Variants in KCTD8 observed in about 807,000 individuals in gnomAD.
KCTD8 encodes potassium channel tetramerization domain containing 8.
KCTD8 carries 27 observed loss-of-function variants against 31.5 expected under a neutral mutation model. The ratio of observed to expected loss-of-function variants is 0.86; its 90% CI spans 0.63 to 1.18. The LOEUF is 1.18. KCTD8 is among the 50% of genes most tolerant of loss of function. KCTD8 has a pLI of 0.00. For synonymous variants in KCTD8, 290 were observed against 280.0 expected (o/e 1.04, Z -0.36); for missense variants, 658 against 647.7 (o/e 1.02, Z -0.17).
intron 1 of KCTD8, among the ~76,000 whole-genome samples, chr4:44,361,075 C>G (rs1577636169): frequency 6.6e-6 from 1 of 151,826 alleles, no homozygotes. Context: ...TTTTTTTTCT[C>G]CCTTGATCGT....
intron 1 of KCTD8, among the ~76,000 whole-genome samples, chr4:44,383,515 T>C (rs1577647313): frequency 6.6e-6 from 1 of 151,818 alleles, no homozygotes; most frequent in East Asian, 1.9e-4. Context: ...AAATCACATA[T>C]TTACAGCCAA....
chr4:44,383,209 G>T (rs1720120307), intron 1 of KCTD8, among the ~76,000 whole-genome samples: 1 of 151,944 alleles, frequency 6.6e-6, no homozygotes, highest in African/African-American at 2.4e-5. Context: ...ATCATAGATT[G>T]TAAGAATTAA....
chr4:44,241,223 C>A (rs777817529), intron 1 of KCTD8, among the ~76,000 whole-genome samples: 6 of 152,224 alleles, frequency 3.9e-5, no homozygotes, highest in African/African-American at 7.2e-5. Context: ...ATCACATTTA[C>A]AACTCTGGTA....
intron 1 of KCTD8, among the ~76,000 whole-genome samples, chr4:44,211,896 T>C (rs930826151): frequency 3.3e-5 from 5 of 152,110 alleles, no homozygotes; most frequent in African/African-American, 1.2e-4. Context: ...TTCATTATTT[T>C]ATAGTTTTAT....
Position 44,447,751 on chromosome 4 carries a change from G to T in KCTD8, c.773C>A (p.Pro258His). 6.2e-7 allele frequency: 1 copy of T among 1,612,118 alleles called. No individual in the cohort carries two copies. The highest frequency in any genetic ancestry group is 8.5e-7 in the Non-Finnish European group (1 of 1,179,172). ...CGTGTACTTCTCCGGCTGCCGGTCG[G>T]GGTCGCGGCTCTCGTTGAGCGTGTC... ...FGDTLNESRD[P>H]DRQPEKYTSR... is the part of the protein sequence containing the mutation. Residue 258 changes from proline to histidine, a missense_variant, in exon 1 of 2, where the codon CCC becomes CAC. Transcript: ENST00000360029.
chr4:44,379,105 T>A (rs1267147103), intron 1 of KCTD8, among the ~76,000 whole-genome samples: 1 of 152,078 alleles, frequency 6.6e-6, no homozygotes, highest in Non-Finnish European at 1.5e-5. Context: ...TCCAGGATAA[T>A]ATCCCCATCT....
intron 1 of KCTD8, among the ~76,000 whole-genome samples, chr4:44,369,458 A>G (rs535624594): frequency 6.6e-6 from 1 of 152,332 alleles, no homozygotes; most frequent in South Asian, 2.1e-4. Context: ...AGAGCACTTA[A>G]CATGCCAGGT....
chr4:44,305,415 A>G (rs950772699), intron 1 of KCTD8, among the ~76,000 whole-genome samples: 1 of 151,788 alleles, frequency 6.6e-6, no homozygotes, highest in African/African-American at 2.4e-5. Context: ...ACTAGACACG[A>G]AATTACCAAG....
intron 1 of KCTD8, among the ~76,000 whole-genome samples, chr4:44,431,627 T>G (rs1254133397): frequency 6.6e-6 from 1 of 151,586 alleles, no homozygotes; most frequent in African/African-American, 2.4e-5. Context: ...CAAAGAATAT[T>G]CTAGTCTCCT....
chr4:44,197,497 G>T (rs1044059013), intron 1 of KCTD8, among the ~76,000 whole-genome samples: 1 of 152,158 alleles, frequency 6.6e-6, no homozygotes, highest in Non-Finnish European at 1.5e-5. Flanking sequence ...GAGCCAATCT[G>T]CTGGCCATCA....
At chr4:44,381,869 C>G (rs1720074047) in intron 1 of KCTD8, among the ~76,000 whole-genome samples, 1 of 152,048 alleles carries the variant, frequency 6.6e-6, no homozygotes, top group Admixed American at 6.6e-5. Flanking sequence ...ATGCTGGCAC[C>G]AGGCTTGTCC....
intron 1 of KCTD8, among the ~76,000 whole-genome samples, chr4:44,187,980 C>A (rs867505927): frequency 6.6e-6 from 1 of 151,512 alleles, no homozygotes; most frequent in South Asian, 2.1e-4. Context: ...CACACACACA[C>A]ACACACACAC....
chr4:44,336,585 C>T (rs1317763215), intron 1 of KCTD8, among the ~76,000 whole-genome samples: 1 of 151,862 alleles, frequency 6.6e-6, no homozygotes, highest in Non-Finnish European at 1.5e-5. Flanking sequence ...ATAAGCGTTA[C>T]AACTATGAGA....
At chr4:44,285,885 T>TA (rs1237916130) in intron 1 of KCTD8, among the ~76,000 whole-genome samples, 4 of 152,144 alleles carry the variant, frequency 2.6e-5, no homozygotes, top group Admixed American at 1.3e-4. Context: ...CTACATTCTA[T>TA]ATGCCATTAG....
chr4:44,349,855 AT>A (rs1719153112), intron 1 of KCTD8, among the ~76,000 whole-genome samples: 1 of 152,146 alleles, frequency 6.6e-6, no homozygotes, highest in Admixed American at 6.6e-5. Context: ...CAAGTTAAAA[AT>A]TTTTAAATTG....
At chr4:44,323,222 G>C (rs376119348) in intron 1 of KCTD8, among the ~76,000 whole-genome samples, 1 of 151,906 alleles carries the variant, frequency 6.6e-6, no homozygotes, top group Non-Finnish European at 1.5e-5. Flanking sequence ...GGCCAGGCAC[G>C]GTGGCTCACA....
intron 1 of KCTD8, among the ~76,000 whole-genome samples, chr4:44,404,014 G>C (rs1720728087): frequency 6.6e-6 from 1 of 151,848 alleles, no homozygotes; most frequent in South Asian, 2.1e-4. Context: ...TCTTTAAAGA[G>C]AGCCCTCTGA....
chr4:44,190,406 A>C (rs1317753401), intron 1 of KCTD8, among the ~76,000 whole-genome samples: 2 of 152,226 alleles, frequency 1.3e-5, no homozygotes, highest in Non-Finnish European at 2.9e-5. Flanking sequence ...GTTTATAATG[A>C]TACTTGTTTA....
intron 1 of KCTD8, among the ~76,000 whole-genome samples, chr4:44,254,112 C>A (rs1166223266): frequency 6.6e-6 from 1 of 151,850 alleles, no homozygotes; most frequent in Non-Finnish European, 1.5e-5. Flanking sequence ...AAGAAGATTT[C>A]CATGCAGAAT....
Sources: gnomAD v4.1 joint callset for allele counts (sites outside exome capture counted in the v4.1 genomes callset) on GRCh38, gnomAD v4.1.1 for gene constraint, MANE v1.5 for transcripts, NCBI Gene and HGNC (gene_info 2026-07-23, HGNC 2026-07-21) for gene names.